The following AUTS2 variants were observed in gnomAD, a reference collection of about 807,000 sequenced individuals.
The protein encoded by AUTS2 is autism susceptibility gene 2 protein.
A neutral mutation model predicts 112.4 loss-of-function variants in AUTS2; 17 were observed. The ratio of observed to expected loss-of-function variants is 0.15; its 90% CI spans 0.10 to 0.23. AUTS2 has a LOEUF of 0.23. Among genes scored for constraint, AUTS2 ranks in the 10% least tolerant of loss-of-function variants. The pLI, the probability that AUTS2 is intolerant of heterozygous loss-of-function variation, is 1.00. For missense variants in AUTS2, 1,510 were observed against 1,701.6 expected, an observed-to-expected ratio of 0.89 and a Z score of 1.98; for synonymous variants, 751 against 702.7, an observed-to-expected ratio of 1.07 and a Z score of -1.09.
chr7:70,322,727 A>T (rs1479353542), intron 4 of AUTS2, among the ~76,000 whole-genome samples: 2 of 152,224 alleles, frequency 1.3e-5, no homozygotes, highest in East Asian at 3.9e-4. Context: ...TGAGAGAGGC[A>T]GTCCAACACA....
intron 5 of AUTS2, among the ~76,000 whole-genome samples, chr7:70,669,632 G>A (rs962468738): frequency 1.3e-5 from 2 of 152,196 alleles, no homozygotes; most frequent in Non-Finnish European, 1.5e-5. Flanking sequence ...ACATCATGCT[G>A]TCTGCACATA....
intron 5 of AUTS2, among the ~76,000 whole-genome samples, chr7:70,547,186 C>T (rs75597441): frequency 0.066 from 9,994 of 152,198 alleles, 386 homozygotes; most frequent in Middle Eastern, 0.1. Flanking sequence ...AAGGCAGCCA[C>T]GAACCTATTT....
chr7:70,657,485 G>A (rs958615948), intron 5 of AUTS2, among the ~76,000 whole-genome samples: 2 of 152,290 alleles, frequency 1.3e-5, no homozygotes, highest in African/African-American at 4.8e-5. Context: ...GGGAAAGGAA[G>A]CACAAAGGAG....
intron 4 of AUTS2, among the ~76,000 whole-genome samples, chr7:70,142,359 C>T (rs775877943): frequency 3.3e-5 from 5 of 152,136 alleles, no homozygotes; most frequent in Non-Finnish European, 7.3e-5. Context: ...ATTCCAGCTG[C>T]CTTACAACTA....
chr7:69,647,632 C>T (rs1012506196), intron 1 of AUTS2, among the ~76,000 whole-genome samples: 2 of 152,234 alleles, frequency 1.3e-5, no homozygotes, highest in African/African-American at 4.8e-5. Flanking sequence ...GCTGGGATTA[C>T]AGGCGTGAGC....
intron 1 of AUTS2, among the ~76,000 whole-genome samples, chr7:69,637,147 G>C (rs1794587044): frequency 6.6e-6 from 1 of 152,158 alleles, no homozygotes; most frequent in Non-Finnish European, 1.5e-5. Context: ...GTTATTATTG[G>C]ACACTTGAGC....
At chr7:69,732,394 G>A (rs1313959890) in intron 1 of AUTS2, among the ~76,000 whole-genome samples, 1 of 152,088 alleles carries the variant, frequency 6.6e-6, no homozygotes, top group African/African-American at 2.4e-5. Flanking sequence ...GGATTTGGGG[G>A]TGTGTGATCT....
chr7:69,992,593 C>T (rs528485232), intron 2 of AUTS2, among the ~76,000 whole-genome samples: 4 of 152,144 alleles, frequency 2.6e-5, no homozygotes, highest in Non-Finnish European at 4.4e-5. Context: ...TGTAGTGGCT[C>T]ATGTCCATAA....
At chr7:70,227,508 C>G (rs923234292) in intron 4 of AUTS2, among the ~76,000 whole-genome samples, 2 of 152,044 alleles carry the variant, frequency 1.3e-5, no homozygotes, top group Admixed American at 6.6e-5. Context: ...CATGAGCAGT[C>G]TCTCTTCTTC....
At chr7:69,849,436 T>C (rs1344048243) in intron 1 of AUTS2, among the ~76,000 whole-genome samples, 1 of 152,166 alleles carries the variant, frequency 6.6e-6, no homozygotes, top group Non-Finnish European at 1.5e-5. Context: ...TATGTAACCA[T>C]CACTGCAGTA....
intron 5 of AUTS2, among the ~76,000 whole-genome samples, chr7:70,486,723 C>T (rs1455688977): frequency 6.6e-6 from 1 of 152,056 alleles, no homozygotes; most frequent in Non-Finnish European, 1.5e-5. Flanking sequence ...CACGCCACTG[C>T]ACTCCCGCCT....
chr7:70,759,973 A>T (rs1789454425), intron 6 of AUTS2, among the ~76,000 whole-genome samples: 1 of 152,158 alleles, frequency 6.6e-6, no homozygotes, highest in Non-Finnish European at 1.5e-5. Flanking sequence ...TGTCTTCACC[A>T]GCCCAGTCTG....
intron 2 of AUTS2, among the ~76,000 whole-genome samples, chr7:70,003,216 T>C (rs1487196123): frequency 7.5e-6 from 1 of 134,084 alleles, no homozygotes; most frequent in African/African-American, 2.8e-5. Context: ...ATGAATATAT[T>C]ATATATGAAT....
At chr7:70,692,662 G>GT (rs1448929535) in intron 5 of AUTS2, among the ~76,000 whole-genome samples, 3 of 152,064 alleles carry the variant, frequency 2.0e-5, no homozygotes, top group African/African-American at 7.2e-5. Flanking sequence ...TGTGCTACCA[G>GT]TTTGGGGGAG....
At chr7:69,873,625 T>A (rs1378652226) in intron 1 of AUTS2, among the ~76,000 whole-genome samples, 3 of 152,170 alleles carry the variant, frequency 2.0e-5, no homozygotes, top group Non-Finnish European at 4.4e-5. Context: ...TTGCTGAGAT[T>A]GGAAGCTAGA....
intron 5 of AUTS2, 120 bp downstream of exon 5, chr7:70,435,901 G>GGA (rs1377650010): frequency 9.8e-7 from 1 of 1,018,584 alleles, no homozygotes; most frequent in Non-Finnish European, 1.5e-6. Context: ...TTTCTCTTTA[G>GGA]GAAAGATGGG....
At chr7:70,724,741 G>A (rs966525505) in intron 6 of AUTS2, among the ~76,000 whole-genome samples, 5 of 152,108 alleles carry the variant, frequency 3.3e-5, no homozygotes, top group East Asian at 1.9e-4. Flanking sequence ...CACCGCGCCC[G>A]GCCTCATCCT....
chr7:70,592,725 A>C (rs1424242778), intron 5 of AUTS2, among the ~76,000 whole-genome samples: 2 of 151,916 alleles, frequency 1.3e-5, no homozygotes, highest in Non-Finnish European at 2.9e-5. Context: ...TTCTACCCCT[A>C]CCCTACCCAT....
At chr7:70,424,615 C>G (rs1341124490) in intron 4 of AUTS2, among the ~76,000 whole-genome samples, 1 of 152,080 alleles carries the variant, frequency 6.6e-6, no homozygotes, top group African/African-American at 2.4e-5. Flanking sequence ...TGGACAGGGT[C>G]TCTCTCTGTC....
Sources: allele counts gnomAD v4.1 joint callset (sites outside exome capture counted in the v4.1 genomes callset), GRCh38; gene constraint gnomAD v4.1.1; transcripts MANE v1.5; gene names NCBI Gene and HGNC (gene_info 2026-07-23, HGNC 2026-07-21).